The following L3MBTL4 variants were observed in gnomAD, a reference collection of about 807,000 sequenced individuals.
L3MBTL4 encodes L3MBTL histone methyl-lysine binding protein 4.
L3MBTL4 carries 70 observed loss-of-function variants against 84.5 expected under a neutral mutation model. The observed-to-expected ratio is 0.83, with a 90% CI of 0.68 to 1.01. The LOEUF (loss-of-function observed/expected upper bound fraction) is 1.01, where lower values mean the gene tolerates loss of function less well. Ranked by LOEUF, L3MBTL4 falls within the 50% of genes least tolerant of loss-of-function variation. L3MBTL4 has a pLI of 0.00. For synonymous variants in L3MBTL4, 274 were observed against 259.8 expected, an observed-to-expected ratio of 1.05 and a Z score of -0.52; for missense variants, 715 against 754.8, an observed-to-expected ratio of 0.95 and a Z score of 0.62.
chr18:6,240,026 T>C (rs1480544611), intron 8 of L3MBTL4, among the ~76,000 whole-genome samples, 154 bp from the exon 9 acceptor site: 1 of 152,172 alleles, frequency 6.6e-6, no homozygotes, highest in Non-Finnish European at 1.5e-5. Flanking sequence ...TGTAAAAATA[T>C]CCGGCAACTG....
chr18:6,096,743 G>C (rs989004059), intron 14 of L3MBTL4, among the ~76,000 whole-genome samples: 7 of 152,210 alleles, frequency 4.6e-5, no homozygotes, highest in African/African-American at 1.7e-4. Context: ...AAATATTGGG[G>C]AAGTACTGTT....
intron 1 of L3MBTL4, among the ~76,000 whole-genome samples, chr18:6,357,225 A>T (rs886633424): frequency 1.3e-5 from 2 of 152,218 alleles, no homozygotes; most frequent in Admixed American, 1.3e-4. Context: ...TCTTGAAAAG[A>T]AATGGTGACA....
intron 1 of L3MBTL4, among the ~76,000 whole-genome samples, chr18:6,363,522 C>A (rs2053804063): frequency 6.6e-6 from 1 of 152,162 alleles, no homozygotes; most frequent in African/African-American, 2.4e-5. Flanking sequence ...CTACCATACC[C>A]ATTAAGCTAC....
At chr18:6,143,441 T>C (rs1233075763) in intron 13 of L3MBTL4, among the ~76,000 whole-genome samples, 2 of 152,168 alleles carry the variant, frequency 1.3e-5, no homozygotes, top group Admixed American at 6.5e-5. Context: ...TGAAGTATAA[T>C]AGGTTGAATC....
intron 5 of L3MBTL4, among the ~76,000 whole-genome samples, chr18:6,248,548 C>T (rs767671648): frequency 3.3e-5 from 5 of 152,142 alleles, no homozygotes; most frequent in African/African-American, 1.2e-4. Context: ...TTCTATCCAC[C>T]GCATTCCCTC....
At chr18:6,250,024 C>A (rs531074445) in intron 5 of L3MBTL4, among the ~76,000 whole-genome samples, 1 of 152,206 alleles carries the variant, frequency 6.6e-6, no homozygotes, top group South Asian at 2.1e-4. Context: ...AAAACGAAAC[C>A]TGGCTAGAGG....
chr18:6,395,044 T>C (rs905145032), intron 1 of L3MBTL4: 2 of 152,158 alleles, frequency 1.3e-5, no homozygotes, highest in African/African-American at 4.8e-5. Context: ...CGTTACTTCA[T>C]AAAATATTAT....
intron 4 of L3MBTL4, among the ~76,000 whole-genome samples, chr18:6,277,299 C>G (rs921074987): frequency 4.6e-5 from 7 of 152,124 alleles, no homozygotes; most frequent in African/African-American, 1.7e-4. Flanking sequence ...AAAAAATATT[C>G]TTATAAAACA....
At chr18:6,301,252 T>C (rs540060740) in intron 4 of L3MBTL4, among the ~76,000 whole-genome samples, 1 of 152,330 alleles carries the variant, frequency 6.6e-6, no homozygotes, top group African/African-American at 2.4e-5. Context: ...TTTATATGCT[T>C]CCTTTCCGTA....
intron 16 of L3MBTL4, among the ~76,000 whole-genome samples, chr18:6,057,072 C>A (rs1470290824): frequency 2.0e-5 from 3 of 151,684 alleles, no homozygotes; most frequent in Non-Finnish European, 2.9e-5. Context: ...GCTCTCTCAT[C>A]CAGGCTGGAG....
At position 6,286,192 on chromosome 18, in the gene L3MBTL4, G is replaced by A. The variant is rs894421463; in HGVS notation, c.127+15711C>T. ...TCTTATAAAACCTCCAGCCAGGCAC[G>A]GTGGCTCACACCTGTAATCCCAGCA... On this transcript the variant is annotated intron_variant, in intron 4 of 18. Transcript: ENST00000317931. Among the ~76,000 whole-genome samples, 8 of 151,848 alleles carry A rather than the reference G, an allele frequency of 5.3e-5. No homozygotes were observed. The East Asian group carries it at 7.9e-4, about 15-fold the overall frequency.
At chr18:6,322,502 G>C (rs575849405) in intron 1 of L3MBTL4, among the ~76,000 whole-genome samples, 6 of 135,870 alleles carry the variant, frequency 4.4e-5, no homozygotes, top group African/African-American at 1.6e-4. Flanking sequence ...AGGAAGGAAG[G>C]AAAGAAGGAA....
intron 1 of L3MBTL4, among the ~76,000 whole-genome samples, chr18:6,344,824 T>TAA (rs56837287): frequency 7.3e-5 from 11 of 150,704 alleles, no homozygotes; most frequent in African/African-American, 2.0e-4. Flanking sequence ...TTTTCATGAT[T>TAA]AAAAAAAAAC....
intron 16 of L3MBTL4, among the ~76,000 whole-genome samples, chr18:6,034,320 C>T (rs2055999087): frequency 6.6e-6 from 1 of 152,062 alleles, no homozygotes; most frequent in Admixed American, 6.5e-5. Context: ...ACAACAGTCC[C>T]CAGAGTGTGA....
chr18:5,960,837 G>A (rs1253381307), intron 17 of L3MBTL4: 2 of 152,300 alleles, frequency 1.3e-5, no homozygotes, highest in African/African-American at 4.8e-5. Flanking sequence ...CATGCCCCCA[G>A]ATATCCTTTT....
chr18:6,336,606 G>GGAATAAGGAATA (rs2052352344), intron 1 of L3MBTL4, among the ~76,000 whole-genome samples: 1 of 152,204 alleles, frequency 6.6e-6, no homozygotes. Context: ...GGTCCAACCA[G>GGAATAAGGAATA]AGATAGACTG....
chr18:6,178,278 T>A (rs192373092), intron 12 of L3MBTL4, among the ~76,000 whole-genome samples: 2 of 152,280 alleles, frequency 1.3e-5, no homozygotes, highest in Admixed American at 1.3e-4. Context: ...ATGATGTGAT[T>A]CTCCCCTCCC....
chr18:6,387,516 T>C (rs1414338871), intron 1 of L3MBTL4, among the ~76,000 whole-genome samples: 6 of 152,212 alleles, frequency 3.9e-5, no homozygotes, highest in African/African-American at 1.2e-4. Context: ...CATATTTGAC[T>C]GGCATTTGGC....
intron 13 of L3MBTL4, among the ~76,000 whole-genome samples, chr18:6,165,872 A>T (rs1247930735): frequency 6.6e-6 from 1 of 152,248 alleles, no homozygotes; most frequent in African/African-American, 2.4e-5. Flanking sequence ...TCCAATTAAA[A>T]GACACAGACT....
Sources: gnomAD v4.1 joint callset for allele counts (sites outside exome capture counted in the v4.1 genomes callset) on GRCh38, gnomAD v4.1.1 for gene constraint, MANE v1.5 for transcripts, NCBI Gene and HGNC (gene_info 2026-07-23, HGNC 2026-07-21) for gene names.